Variants in ZSCAN5A observed in about 807,000 individuals in gnomAD.
ZSCAN5A encodes zinc finger and SCAN domain-containing protein 5A.
A neutral mutation model predicts 23.7 loss-of-function variants in ZSCAN5A; 12 were observed. That is an observed-to-expected ratio of 0.51 (90% CI 0.32 to 0.82). ZSCAN5A has a LOEUF of 0.82. Ranked by LOEUF, ZSCAN5A falls within the 40% of genes least tolerant of loss-of-function variation. ZSCAN5A has a pLI of 0.03. For synonymous variants in ZSCAN5A, 257 were observed against 239.9 expected (o/e 1.07, Z -0.66); for missense variants, 597 against 617.9 (o/e 0.97, Z 0.36).
intron 2 of ZSCAN5A, among the ~76,000 whole-genome samples, chr19:56,264,014 T>C (rs903623183): frequency 4.1e-5 from 6 of 147,232 alleles, no homozygotes; most frequent in African/African-American, 1.3e-4. Context: ...CTGTCACCCA[T>C]GCTGGAGTGC....
chr19:56,254,401 G>A lies in ZSCAN5A; in HGVS notation c.-127-29228C>T, dbSNP rs544797282. ...TAACATTATTATATTATTTTTTCTG[G>A]TGTCAAATGAGGTCTTTGTAGCATG... On this transcript the variant is annotated intron_variant, in intron 2 of 5. Coordinates refer to ENST00000683990, the MANE Select transcript of ZSCAN5A (RefSeq NM_001322064.3). Among the ~76,000 whole-genome samples the A allele has an allele frequency of 6.6e-5, 10 of 152,086 alleles. No homozygotes were observed. In the South Asian group the frequency reaches 2.1e-3, roughly 32 times the overall value.
At chr19:56,289,375 G>T (rs1042891053) in intron 2 of ZSCAN5A, among the ~76,000 whole-genome samples, 1 of 152,158 alleles carries the variant, frequency 6.6e-6, no homozygotes, top group Non-Finnish European at 1.5e-5. Flanking sequence ...AGAGAAAGGG[G>T]CCAGGCCCTT....
intron 2 of ZSCAN5A, among the ~76,000 whole-genome samples, chr19:56,335,853 T>C (rs1177469257): frequency 6.6e-6 from 1 of 152,204 alleles, no homozygotes; most frequent in Non-Finnish European, 1.5e-5. Flanking sequence ...AAGCTTAGTT[T>C]GGCTGGATAT....
intron 2 of ZSCAN5A, among the ~76,000 whole-genome samples, chr19:56,291,419 C>G (rs2039501199): frequency 6.6e-6 from 1 of 152,186 alleles, no homozygotes; most frequent in Non-Finnish European, 1.5e-5. Flanking sequence ...AGTCACCCAC[C>G]CTGGGCCCCA....
intron 2 of ZSCAN5A, among the ~76,000 whole-genome samples, chr19:56,286,869 C>A (rs1228017665): frequency 6.6e-6 from 1 of 152,232 alleles, no homozygotes; most frequent in Non-Finnish European, 1.5e-5. Flanking sequence ...AGTGGGGCTT[C>A]CCAATACATC....
intron 2 of ZSCAN5A, among the ~76,000 whole-genome samples, chr19:56,270,753 C>T (rs1449545444): frequency 7.4e-6 from 1 of 135,568 alleles, no homozygotes; most frequent in East Asian, 2.6e-4. Context: ...AACATGGTGG[C>T]GGTGGTGGTT....
In ZSCAN5A at chr19:56,260,009, A is replaced by T. The variant is rs548284163; in HGVS notation, c.-127-34836T>A. Reference sequence around the variant, plus strand: ...AAATTAAAAAATTGTTAAATGCTATAAAAAATGTTTTTAAAAAGAAAAAAG... The same window carrying T: ...AAATTAAAAAATTGTTAAATGCTATTAAAAATGTTTTTAAAAAGAAAAAAG... On this transcript the variant is annotated intron_variant, in intron 2 of 5. Coordinates refer to ENST00000683990, the MANE Select transcript of ZSCAN5A (RefSeq NM_001322064.3). 6.7e-4 allele frequency among the ~76,000 whole-genome samples: 102 copies of T among 152,248 alleles called. 1 individual carries two copies. The highest frequency in any genetic ancestry group is 3.8e-3 in the Admixed American group (58 of 15,300).
Position 56,309,933 on chromosome 19 carries a change from G to A in ZSCAN5A, c.-128+3350C>T, listed in dbSNP as rs144174492. Among the ~76,000 whole-genome samples the A allele has an allele frequency of 4.6e-3, 693 of 152,216 alleles. 5 individuals are homozygous for A. Among genetic ancestry groups the A allele is most frequent in the African/African-American group, 0.015 (608 of 41,530 alleles). The stretch of plus-strand genomic sequence containing the variant: ...CGTGTTCCAGCTGCTGGAACAGCCC[G>A]GTGGGAATAGGGACAAACTTGGTGG... On this transcript the variant is annotated intron_variant, in intron 2 of 5. Coordinates refer to ENST00000683990, the MANE Select transcript of ZSCAN5A (RefSeq NM_001322064.3).
At chr19:56,362,013 CTGGGCG>C (rs1269823164) in intron 2 of ZSCAN5A, among the ~76,000 whole-genome samples, 2 of 151,646 alleles carry the variant, frequency 1.3e-5, no homozygotes, top group East Asian at 3.9e-4. Context: ...AAAAAATTAG[CTGGGCG>C]GGGTGGCGGG....
intron 2 of ZSCAN5A, among the ~76,000 whole-genome samples, chr19:56,361,390 A>T (rs1239032650): frequency 6.6e-6 from 1 of 152,368 alleles, no homozygotes; most frequent in South Asian, 2.1e-4. Flanking sequence ...ATTCTATTTT[A>T]AAAATACATG....
At chr19:56,326,574 G>C (rs1399010848) in intron 2 of ZSCAN5A, among the ~76,000 whole-genome samples, 1 of 151,734 alleles carries the variant, frequency 6.6e-6, no homozygotes, top group Non-Finnish European at 1.5e-5. Flanking sequence ...TGGGAATCAC[G>C]CAGTATGTGG....
At chr19:56,290,240 TA>T (rs2147146854) in intron 2 of ZSCAN5A, among the ~76,000 whole-genome samples, 1 of 152,334 alleles carries the variant, frequency 6.6e-6, no homozygotes, top group East Asian at 1.9e-4. Flanking sequence ...TGAGATAAAG[TA>T]GGACTCAGCA....
chr19:56,268,984 A>G (rs2037657461), intron 2 of ZSCAN5A, among the ~76,000 whole-genome samples: 1 of 152,212 alleles, frequency 6.6e-6, no homozygotes, highest in Non-Finnish European at 1.5e-5. Context: ...CAGTTGAATA[A>G]TATCCTATTA....
chr19:56,230,615 A>ATATATG (rs778155664), intron 2 of ZSCAN5A, among the ~76,000 whole-genome samples: 47 of 147,688 alleles, frequency 3.2e-4, no homozygotes, highest in African/African-American at 1.2e-3. Flanking sequence ...TTATTTCTTG[A>ATATATG]TGTGTGTGTG....
chr19:56,245,800 T>A (rs532964649), intron 2 of ZSCAN5A, among the ~76,000 whole-genome samples: 58 of 152,302 alleles, frequency 3.8e-4, no homozygotes, highest in African/African-American at 1.2e-3. Context: ...TTGAGGAGTG[T>A]TTCTCAACTG....
chr19:56,244,431 G>A, intron 2 of ZSCAN5A: 1 of 1,580,158 alleles, frequency 6.3e-7, no homozygotes, highest in South Asian at 1.2e-5. Context: ...AAATGGGTGA[G>A]TGGGACCCTC....
chr19:56,336,149 A>G (rs1270203486), intron 2 of ZSCAN5A, among the ~76,000 whole-genome samples: 4 of 150,640 alleles, frequency 2.7e-5, no homozygotes, highest in African/African-American at 4.9e-5. Context: ...AGATTGGGGA[A>G]GTTCTCCTGG....
intron 2 of ZSCAN5A, chr19:56,343,487 T>C (rs2041610258): frequency 6.8e-6 from 3 of 441,470 alleles, no homozygotes; most frequent in Admixed American, 2.7e-5. Context: ...CTTCAGCAAA[T>C]AGCCCAATTC....
At chr19:56,284,969 C>G in intron 2 of ZSCAN5A, 1 of 981,226 alleles carries the variant, frequency 1.0e-6, no homozygotes, top group Non-Finnish European at 1.2e-6. Flanking sequence ...GCTGCATTTG[C>G]ACATCATGTG....
Sources: gnomAD v4.1 joint callset for allele counts (sites outside exome capture counted in the v4.1 genomes callset) on GRCh38, gnomAD v4.1.1 for gene constraint, MANE v1.5 for transcripts, NCBI Gene and HGNC (gene_info 2026-07-23, HGNC 2026-07-21) for gene names.